Variants in CCSER1 observed in about 807,000 individuals in gnomAD.
The protein encoded by CCSER1 is serine-rich coiled-coil domain-containing protein 1.
A neutral mutation model predicts 82.0 loss-of-function variants in CCSER1; 41 were observed. The observed-to-expected ratio is 0.50, with a 90% CI of 0.39 to 0.65. CCSER1 has a LOEUF of 0.65. Ranked by LOEUF, CCSER1 falls within the 30% of genes least tolerant of loss-of-function variation. CCSER1 has a pLI of 0.00. For synonymous variants in CCSER1, 414 were observed against 383.9 expected, an observed-to-expected ratio of 1.08 and a Z score of -0.92; for missense variants, 1,119 against 1,064.2, an observed-to-expected ratio of 1.05 and a Z score of -0.72.
intron 5 of CCSER1, among the ~76,000 whole-genome samples, chr4:90,503,510 C>G (rs1361222119): frequency 6.6e-6 from 1 of 152,046 alleles, no homozygotes; most frequent in Admixed American, 6.5e-5. Context: ...GTGCTGCACC[C>G]ATCAGCTCGT....
At chr4:90,393,772 C>CTTTTTT (rs997027362) in intron 3 of CCSER1, among the ~76,000 whole-genome samples, 3 of 111,358 alleles carry the variant, frequency 2.7e-5, no homozygotes, top group African/African-American at 3.8e-5. Context: ...TTATATCTTC[C>CTTTTTT]TTTTTTTTTT....
intron 10 of CCSER1, among the ~76,000 whole-genome samples, chr4:91,482,771 A>T (rs1408138790): frequency 6.6e-6 from 1 of 152,242 alleles, no homozygotes; most frequent in Non-Finnish European, 1.5e-5. Flanking sequence ...GCCATAAAAA[A>T]TGATGAGTTC....
chr4:90,305,883 C>T (rs1240275653), intron 1 of CCSER1, among the ~76,000 whole-genome samples: 6 of 152,140 alleles, frequency 3.9e-5, no homozygotes, highest in Non-Finnish European at 8.8e-5. Flanking sequence ...TACTCCTATG[C>T]TTATTGCATC....
At chr4:91,558,734 A>T (rs910605100) in intron 10 of CCSER1, among the ~76,000 whole-genome samples, 2 of 151,572 alleles carry the variant, frequency 1.3e-5, no homozygotes, top group Admixed American at 1.3e-4. Flanking sequence ...ATTTTGTGAG[A>T]CTTATTCACT....
intron 4 of CCSER1, among the ~76,000 whole-genome samples, chr4:90,416,573 T>C (rs1018333127): frequency 3.3e-5 from 5 of 152,154 alleles, no homozygotes; most frequent in Admixed American, 6.5e-5. Context: ...TTGCCCAAAA[T>C]AGGGTAAGAG....
At chr4:90,788,990 C>G (rs990574254) in intron 7 of CCSER1, among the ~76,000 whole-genome samples, 1 of 131,470 alleles carries the variant, frequency 7.6e-6, no homozygotes, top group African/African-American at 3.0e-5. Context: ...CTTGATTAAG[C>G]TTTTCTATCT....
chr4:91,165,959 T>A lies in CCSER1; in HGVS notation c.2217+79965T>A, dbSNP rs550153868. Among the ~76,000 whole-genome samples the A allele has an allele frequency of 2.0e-5, 3 of 152,334 alleles. No individual in the cohort carries two copies. In the South Asian group the frequency reaches 6.2e-4, roughly 32 times the overall value. On this transcript the variant is annotated intron_variant, in intron 10 of 10. Transcript: ENST00000509176. ...GCACCTACTGTTCAACCAGTCCCAG[T>A]GAGATGAACCAGGTACCTCAGTAGG...
intron 4 of CCSER1, among the ~76,000 whole-genome samples, chr4:90,401,562 C>T (rs1052015348): frequency 6.6e-6 from 1 of 152,158 alleles, no homozygotes; most frequent in Admixed American, 6.6e-5. Context: ...GAAACAAGGT[C>T]TGGCTCTGTT....
At chr4:90,266,791 AAG>A (rs1725311323) in intron 1 of CCSER1, among the ~76,000 whole-genome samples, 1 of 152,054 alleles carries the variant, frequency 6.6e-6, no homozygotes, top group Admixed American at 6.6e-5. Flanking sequence ...GAGTTTCGAC[AAG>A]CCTCATCACC....
chr4:91,258,664 A>T (rs889304671), intron 10 of CCSER1, among the ~76,000 whole-genome samples: 1 of 152,166 alleles, frequency 6.6e-6, no homozygotes, highest in African/African-American at 2.4e-5. Context: ...AGTTGTGAAT[A>T]TAACTGAGTG....
At chr4:90,337,108 T>G (rs1740547176) in intron 3 of CCSER1, among the ~76,000 whole-genome samples, 1 of 152,218 alleles carries the variant, frequency 6.6e-6, no homozygotes, top group Non-Finnish European at 1.5e-5. Context: ...AGTTCTCTAC[T>G]CACTTCCATC....
intron 1 of CCSER1, among the ~76,000 whole-genome samples, chr4:90,155,141 G>A (rs1727812021): frequency 6.6e-6 from 1 of 152,190 alleles, no homozygotes; most frequent in Non-Finnish European, 1.5e-5. Context: ...AGATAATCAT[G>A]TGGTTTTTGT....
intron 10 of CCSER1, among the ~76,000 whole-genome samples, chr4:91,195,835 T>C (rs1024139269): frequency 2.6e-5 from 4 of 152,082 alleles, no homozygotes; most frequent in Non-Finnish European, 5.9e-5. Flanking sequence ...CACTGCAGAC[T>C]TTTTTTCTTA....
chr4:90,133,805 G>A (rs1480895467), intron 1 of CCSER1, among the ~76,000 whole-genome samples: 1 of 152,112 alleles, frequency 6.6e-6, no homozygotes, highest in Non-Finnish European at 1.5e-5. Flanking sequence ...TGTTTTGTAT[G>A]ATTGGTTCAG....
At chr4:91,592,825 A>AT (rs577701719) in intron 10 of CCSER1, among the ~76,000 whole-genome samples, 536 of 149,666 alleles carry the variant, frequency 3.6e-3, no homozygotes, top group African/African-American at 5.1e-3. Context: ...GTAAAGCAAT[A>AT]TTTTTTTTTT....
chr4:91,494,237 C>A (rs1437982074), intron 10 of CCSER1, among the ~76,000 whole-genome samples: 1 of 151,822 alleles, frequency 6.6e-6, no homozygotes, highest in African/African-American at 2.4e-5. Context: ...TTTGTTACAG[C>A]AGCACAAACA....
chr4:91,101,659 G>T (rs543810937), intron 10 of CCSER1, among the ~76,000 whole-genome samples: 2 of 151,968 alleles, frequency 1.3e-5, no homozygotes, highest in Admixed American at 1.3e-4. Flanking sequence ...CAGGTTGGGG[G>T]CCTGACAAAC....
At chr4:91,176,759 C>T (rs543673641) in intron 10 of CCSER1, among the ~76,000 whole-genome samples, 43 of 152,250 alleles carry the variant, frequency 2.8e-4, no homozygotes, top group Admixed American at 1.5e-3. Context: ...ATCATATCAT[C>T]TGCAAACAGG....
chr4:90,600,405 GT>G (rs1783893291), intron 5 of CCSER1, among the ~76,000 whole-genome samples: 1 of 152,002 alleles, frequency 6.6e-6, no homozygotes, highest in Admixed American at 6.6e-5. Flanking sequence ...TTTCTTTGTG[GT>G]TTTAATTTGC....
Sources: allele counts gnomAD v4.1 joint callset (sites outside exome capture counted in the v4.1 genomes callset), GRCh38; gene constraint gnomAD v4.1.1; transcripts MANE v1.5; gene names NCBI Gene and HGNC (gene_info 2026-07-23, HGNC 2026-07-21).